CNTN3: variants seen among roughly 807,000 people sequenced by gnomAD.
The protein encoded by CNTN3 is contactin-3.
A neutral mutation model predicts 119.1 loss-of-function variants in CNTN3; 60 were observed. The ratio of observed to expected loss-of-function variants is 0.50; its 90% CI spans 0.41 to 0.62. The LOEUF is 0.62. Among genes scored for constraint, CNTN3 ranks in the 20% least tolerant of loss-of-function variants. CNTN3 has a pLI of 0.00. For synonymous variants in CNTN3, 450 were observed against 438.7 expected, an observed-to-expected ratio of 1.03 and a Z score of -0.32; for missense variants, 1,101 against 1,242.4, an observed-to-expected ratio of 0.89 and a Z score of 1.71.
At chr3:74,578,121 A>G (rs1704447585) in intron 1 of CNTN3, among the ~76,000 whole-genome samples, 1 of 152,076 alleles carries the variant, frequency 6.6e-6, no homozygotes, top group African/African-American at 2.4e-5. Flanking sequence ...GAAAGCATGA[A>G]TGACTACATA....
At chr3:74,448,022 C>T (rs1482692307) in intron 4 of CNTN3, among the ~76,000 whole-genome samples, 7 of 152,100 alleles carry the variant, frequency 4.6e-5, no homozygotes, top group Admixed American at 2.6e-4. Context: ...CACTCAGCTG[C>T]GAACACCTGC....
chr3:74,499,830 C>T (rs777808747), intron 2 of CNTN3, 45 bp from the exon 3 acceptor site: 2 of 1,540,760 alleles, frequency 1.3e-6, no homozygotes, highest in African/African-American at 1.4e-5. Flanking sequence ...CAGTAAAAGG[C>T]ATTGTAAAAA....
intron 1 of CNTN3, among the ~76,000 whole-genome samples, chr3:74,566,370 C>T (rs993110710): frequency 1.3e-5 from 2 of 152,136 alleles, no homozygotes; most frequent in East Asian, 1.9e-4. Context: ...TAACAAATTA[C>T]CACAAACCAG....
intron 1 of CNTN3, among the ~76,000 whole-genome samples, chr3:74,557,762 G>T (rs1348383853): frequency 6.7e-6 from 1 of 150,128 alleles, no homozygotes; most frequent in East Asian, 2.0e-4. Context: ...GCCAGTCAGA[G>T]AGAGCTTGGA....
intron 5 of CNTN3, among the ~76,000 whole-genome samples, chr3:74,390,377 T>TA (rs1364992260): frequency 5.9e-5 from 9 of 151,944 alleles, no homozygotes; most frequent in Admixed American, 1.3e-4. Flanking sequence ...TGCTTTTTTT[T>TA]TTTTTTTTTT....
intron 3 of CNTN3, among the ~76,000 whole-genome samples, chr3:74,495,309 G>A (rs1302191255): frequency 6.6e-6 from 1 of 151,914 alleles, no homozygotes; most frequent in Non-Finnish European, 1.5e-5. Context: ...ATCTTACATA[G>A]CAATAAGAAA....
At chr3:74,447,627 T>C (rs1483671549) in intron 4 of CNTN3, among the ~76,000 whole-genome samples, 1 of 152,172 alleles carries the variant, frequency 6.6e-6, no homozygotes, top group Non-Finnish European at 1.5e-5. Context: ...AGGTCTGAGA[T>C]TTTCTTTCTG....
At chr3:74,608,780 T>C (rs982742538) in intron 1 of CNTN3, among the ~76,000 whole-genome samples, 1 of 152,200 alleles carries the variant, frequency 6.6e-6, no homozygotes, top group African/African-American at 2.4e-5. Flanking sequence ...TCTTAACATG[T>C]GCATGCTACT....
At chr3:74,343,417 A>T (rs1054974320) in intron 11 of CNTN3, among the ~76,000 whole-genome samples, 13 of 152,228 alleles carry the variant, frequency 8.5e-5, no homozygotes, top group African/African-American at 3.1e-4. Flanking sequence ...TTAGAGAAAT[A>T]TCCAAATGTT....
intron 4 of CNTN3, among the ~76,000 whole-genome samples, chr3:74,481,670 A>C (rs1379133382): frequency 2.6e-5 from 4 of 151,916 alleles, no homozygotes; most frequent in Non-Finnish European, 2.9e-5. Context: ...GAAAAGAATA[A>C]GTTAACCATA....
chr3:74,378,939 C>T (rs1326999814), intron 5 of CNTN3, among the ~76,000 whole-genome samples: 1 of 152,184 alleles, frequency 6.6e-6, no homozygotes, highest in Non-Finnish European at 1.5e-5. Flanking sequence ...TCACTATTTC[C>T]TTTTTCTCTC....
At chr3:74,607,542 A>C (rs1705013545) in intron 1 of CNTN3, among the ~76,000 whole-genome samples, 1 of 152,192 alleles carries the variant, frequency 6.6e-6, no homozygotes, top group Admixed American at 6.5e-5. Flanking sequence ...AAACAAACAT[A>C]TTTGCTATCT....
At chr3:74,467,706 C>T (rs1224113232) in intron 4 of CNTN3, among the ~76,000 whole-genome samples, 1 of 151,996 alleles carries the variant, frequency 6.6e-6, no homozygotes, top group African/African-American at 2.4e-5. Flanking sequence ...TATATACCAC[C>T]CAAGCAGCTG....
intron 2 of CNTN3, among the ~76,000 whole-genome samples, chr3:74,509,065 C>T (rs1023936172): frequency 1.3e-5 from 2 of 152,096 alleles, no homozygotes; most frequent in African/African-American, 2.4e-5. Context: ...AAAATGTTGG[C>T]AAACAAAAAC....
intron 3 of CNTN3, among the ~76,000 whole-genome samples, chr3:74,492,145 A>T (rs1371178731): frequency 3.3e-5 from 5 of 152,174 alleles, no homozygotes; most frequent in South Asian, 4.1e-4. Context: ...GTGTTCAAAC[A>T]CTCATTTTAC....
At chr3:74,361,570 T>G (rs1390854492) in intron 11 of CNTN3, among the ~76,000 whole-genome samples, 1 of 152,234 alleles carries the variant, frequency 6.6e-6, no homozygotes, top group East Asian at 1.9e-4. Flanking sequence ...TTCTTTGTCC[T>G]GGGATGTGGA....
chr3:74,366,214 C>T (rs1252293185), intron 8 of CNTN3, among the ~76,000 whole-genome samples: 1 of 151,976 alleles, frequency 6.6e-6, no homozygotes, highest in African/African-American at 2.4e-5. Context: ...AAATACAAAC[C>T]AGTGAGCATC....
intron 20 of CNTN3, 123 bp from the exon 21 acceptor site, chr3:74,267,501 G>GT: frequency 1.6e-6 from 1 of 634,578 alleles, no homozygotes; most frequent in Non-Finnish European, 2.8e-6. Context: ...GGTAATGCTT[G>GT]GTGTAATAGA....
intron 3 of CNTN3, among the ~76,000 whole-genome samples, chr3:74,488,643 T>A (rs1702904697): frequency 2.0e-5 from 3 of 152,294 alleles, no homozygotes; most frequent in Admixed American, 2.0e-4. Flanking sequence ...CTGCTCAAAG[T>A]TTATTTTATC....
Sources: gnomAD v4.1 joint callset for allele counts (sites outside exome capture counted in the v4.1 genomes callset) on GRCh38, gnomAD v4.1.1 for gene constraint, MANE v1.5 for transcripts, NCBI Gene and HGNC (gene_info 2026-07-23, HGNC 2026-07-21) for gene names.